Variants in MACROD1 observed in about 807,000 individuals in gnomAD.
MACROD1 encodes ADP-ribose glycohydrolase MACROD1.
A neutral mutation model predicts 41.4 loss-of-function variants in MACROD1; 31 were observed. The ratio of observed to expected loss-of-function variants is 0.75; its 90% CI spans 0.56 to 1.01. The LOEUF (loss-of-function observed/expected upper bound fraction) is 1.01. Among genes scored for constraint, MACROD1 ranks in the 50% least tolerant of loss-of-function variants. The pLI is 0.00. For synonymous variants in MACROD1, 252 were observed against 203.4 expected (o/e 1.24, Z -2.03); for missense variants, 473 against 460.0 (o/e 1.03, Z -0.26).
At chr11:64,137,077 T>C (rs897987333) in intron 3 of MACROD1, among the ~76,000 whole-genome samples, 9 of 152,290 alleles carry the variant, frequency 5.9e-5, no homozygotes, top group African/African-American at 1.2e-4. Context: ...TTCAAATCGA[T>C]GGTGACACAT....
intron 3 of MACROD1, among the ~76,000 whole-genome samples, chr11:64,015,550 G>T (rs1354226968): frequency 6.6e-6 from 1 of 152,128 alleles, no homozygotes; most frequent in Non-Finnish European, 1.5e-5. Context: ...CAGACGCATG[G>T]GGGGGTCCAG....
rs1945420545 is a variant in MACROD1 at position 64,142,002 on chromosome 11, G to A, written c.517+9237C>T. Among the ~76,000 whole-genome samples the A allele has an allele frequency of 2.6e-5, 4 of 152,280 alleles. No homozygotes were observed. The South Asian group carries it at 8.3e-4, about 32-fold the overall frequency. On this transcript the variant is annotated intron_variant, in intron 3 of 10. Transcript: ENST00000255681. ...CCAAATGCCAGGAGGGCAGGCACTG[G>A]GTTACACTGGGCCTTGTACCTCCAG...
chr11:64,013,082 G>T (rs200090271), intron 4 of MACROD1, among the ~76,000 whole-genome samples: 2 of 151,566 alleles, frequency 1.3e-5, no homozygotes, highest in African/African-American at 4.8e-5. Flanking sequence ...CTCCTGCCTC[G>T]GCCTCCCAAA....
At chr11:64,139,682 T>C (rs1590959953) in intron 3 of MACROD1, among the ~76,000 whole-genome samples, 1 of 147,990 alleles carries the variant, frequency 6.8e-6, no homozygotes. Context: ...GCTGGCCGGG[T>C]GCGGTGGCTC....
intron 3 of MACROD1, among the ~76,000 whole-genome samples, chr11:64,019,388 G>A (rs1383884487): frequency 6.6e-6 from 1 of 152,168 alleles, no homozygotes; most frequent in Non-Finnish European, 1.5e-5. Context: ...CTCAGTCTCC[G>A]ACTCCCACAC....
rs1377543364 is a variant in MACROD1 at position 64,081,602 on chromosome 11, G to C, written c.518-66321C>G. On this transcript the variant is annotated intron_variant, in intron 3 of 10. Transcript: ENST00000255681. ...CGGCTGAAGGCACAGGCCAAAGACA[G>C]GGAGCAAGGTGAGGAAGGGGACCAC... is the stretch of plus-strand genomic sequence containing the variant. 3 of 148,724 alleles carry C rather than the reference G, an allele frequency of 2.0e-5. No homozygotes were observed. In the East Asian group the frequency reaches 5.9e-4, roughly 29 times the overall value. 9.2% of individuals were successfully genotyped at this position (148,724 alleles called of 1,614,324 possible).
intron 3 of MACROD1, among the ~76,000 whole-genome samples, chr11:64,102,197 G>C (rs980505708): frequency 3.3e-5 from 5 of 152,148 alleles, no homozygotes; most frequent in African/African-American, 1.2e-4. Flanking sequence ...TTCCAAAGAG[G>C]GGTTCCTGCA....
chr11:64,072,040 G>A lies in MACROD1; in HGVS notation c.518-56759C>T, dbSNP rs571677740. 7.6e-4 allele frequency among the ~76,000 whole-genome samples: 116 copies of A among 152,308 alleles called. No individual in the cohort carries two copies. In the South Asian group the frequency reaches 0.022, roughly 28 times the overall value. On this transcript the variant is annotated intron_variant, in intron 3 of 10. Transcript: ENST00000255681. ...AAACAAACGCACTATTGACCGCCGCGCGCACTAAATCCTCCCGGCAGACAA... is the reference window on the plus strand; with the variant it reads ...AAACAAACGCACTATTGACCGCCGCACGCACTAAATCCTCCCGGCAGACAA...
chr11:64,055,710 G>A (rs2063771592), intron 3 of MACROD1, among the ~76,000 whole-genome samples: 1 of 152,220 alleles, frequency 6.6e-6, no homozygotes, highest in African/African-American at 2.4e-5. Flanking sequence ...TGGATGGATG[G>A]ATGGATGATG....
chr11:64,066,891 T>G (rs1257895673), intron 3 of MACROD1, among the ~76,000 whole-genome samples: 1 of 152,188 alleles, frequency 6.6e-6, no homozygotes, highest in East Asian at 1.9e-4. Flanking sequence ...GAGCCAGGAT[T>G]CAGGCTCAGG....
At chr11:64,070,622 A>G (rs762978272) in intron 3 of MACROD1, among the ~76,000 whole-genome samples, 1 of 152,188 alleles carries the variant, frequency 6.6e-6, no homozygotes, top group Non-Finnish European at 1.5e-5. Context: ...AGGAGGAGAA[A>G]GCACCATAAC....
intron 3 of MACROD1, among the ~76,000 whole-genome samples, chr11:64,032,369 G>A (rs1291294853): frequency 6.6e-6 from 1 of 152,212 alleles, no homozygotes; most frequent in African/African-American, 2.4e-5. Context: ...TGGAGGCACA[G>A]CAAGGCTGGG....
intron 3 of MACROD1, among the ~76,000 whole-genome samples, chr11:64,070,167 C>T (rs934381158): frequency 3.9e-5 from 6 of 152,164 alleles, no homozygotes; most frequent in African/African-American, 1.4e-4. Context: ...AGGTCGTGTG[C>T]TCAGGGTCAC....
At chr11:64,016,390 C>T (rs1019713772) in intron 3 of MACROD1, among the ~76,000 whole-genome samples, 55 of 152,348 alleles carry the variant, frequency 3.6e-4, no homozygotes, top group Non-Finnish European at 1.8e-4. Context: ...AGGCCAGCTG[C>T]GCCCGCCCCT....
At chr11:64,057,537 C>G (rs773836284) in intron 3 of MACROD1, among the ~76,000 whole-genome samples, 6 of 152,222 alleles carry the variant, frequency 3.9e-5, no homozygotes, top group African/African-American at 9.6e-5. Context: ...AAACAGCTGC[C>G]ACGCCCATTT....
At chr11:64,016,887 T>C (rs1194775229) in intron 3 of MACROD1, among the ~76,000 whole-genome samples, 1 of 152,216 alleles carries the variant, frequency 6.6e-6, no homozygotes, top group Non-Finnish European at 1.5e-5. Flanking sequence ...GTGCCCAGGC[T>C]GGCCCAGGAC....
chr11:64,049,165 G>T (rs749638471), intron 3 of MACROD1, among the ~76,000 whole-genome samples: 2 of 152,190 alleles, frequency 1.3e-5, no homozygotes, highest in Non-Finnish European at 2.9e-5. Flanking sequence ...AGGTCTGGGG[G>T]ACTTCAGGGC....
chr11:64,121,296 G>A (rs1945094028), intron 3 of MACROD1, among the ~76,000 whole-genome samples: 1 of 152,218 alleles, frequency 6.6e-6, no homozygotes, highest in African/African-American at 2.4e-5. Context: ...GGGCGAGGGC[G>A]GGGCTCGGCC....
chr11:64,121,822 G>A (rs373424459), intron 3 of MACROD1, among the ~76,000 whole-genome samples: 9 of 152,174 alleles, frequency 5.9e-5, no homozygotes, highest in African/African-American at 2.2e-4. Context: ...TGATGAGTAC[G>A]TTTTGTGGCA....
Sources: gnomAD v4.1 joint callset for allele counts (sites outside exome capture counted in the v4.1 genomes callset) on GRCh38, gnomAD v4.1.1 for gene constraint, MANE v1.5 for transcripts, NCBI Gene and HGNC (gene_info 2026-07-23, HGNC 2026-07-21) for gene names.